Variants in ZFAND4 observed in about 807,000 individuals in gnomAD.
ZFAND4 encodes the protein zinc finger AN1-type containing 4.
ZFAND4 carries 43 observed loss-of-function variants against 64.4 expected under a neutral mutation model. That is an observed-to-expected ratio of 0.67 (90% CI 0.52 to 0.86). The LOEUF is 0.86. Among genes scored for constraint, ZFAND4 ranks in the 40% least tolerant of loss-of-function variants. The probability of loss-of-function intolerance (pLI) is 0.00; values close to 1 mark genes in which losing one functional copy is unlikely to be tolerated. For synonymous variants in ZFAND4, 296 were observed against 305.7 expected (o/e 0.97, Z 0.33); for missense variants, 929 against 859.8 (o/e 1.08, Z -1.01).
At chr10:45,633,045 T>G (rs1564575787) in intron 6 of ZFAND4, among the ~76,000 whole-genome samples, 1 of 152,178 alleles carries the variant, frequency 6.6e-6, no homozygotes. Flanking sequence ...TCACTACTTT[T>G]GTAACTAGCA....
At chr10:45,639,085 T>C (rs1364159142) in intron 6 of ZFAND4, among the ~76,000 whole-genome samples, 2 of 152,110 alleles carry the variant, frequency 1.3e-5, no homozygotes, top group African/African-American at 2.4e-5. Context: ...AATTTTATTA[T>C]ACATGAAAAG....
chr10:45,667,286 C>T (rs1268580439), intron 1 of ZFAND4, among the ~76,000 whole-genome samples: 1 of 152,050 alleles, frequency 6.6e-6, no homozygotes, highest in African/African-American at 2.4e-5. Flanking sequence ...AGAAACACAA[C>T]CGATTTTAAT....
At position 45,626,291 on chromosome 10, in the gene ZFAND4, TC is replaced by T. The variant is rs777935037; in HGVS notation, c.1531del (p.Asp511MetfsTer5). The part of the protein sequence containing the change: ...KLQPSSSQSL[D>X]VQNITDSSFS... ...AGAAGAATCAGTTATGTTTTGAACA[TC>T]CAGTGACTGAGAAGAAGAAGGCTGT... On this transcript the variant is annotated frameshift_variant, in exon 7 of 10. Transcript: ENST00000344646. LOFTEE classifies it high-confidence loss of function. 37 of 1,614,064 alleles carry T rather than the reference TC, an allele frequency of 2.3e-5. No individual in the cohort carries two copies. The highest frequency in any genetic ancestry group is 3.1e-5 in the Non-Finnish European group (36 of 1,180,034).
At chr10:45,649,343 T>C (rs2047609177) in intron 4 of ZFAND4, among the ~76,000 whole-genome samples, 1 of 152,120 alleles carries the variant, frequency 6.6e-6, no homozygotes. Context: ...GGTCACTTCA[T>C]GTACTAAAAC....
chr10:45,618,455 G>A (rs2045169974), intron 8 of ZFAND4, among the ~76,000 whole-genome samples, 195 bp from the exon 9 acceptor site: 2 of 152,312 alleles, frequency 1.3e-5, no homozygotes, highest in South Asian at 2.1e-4. Context: ...CTTTTAAGAT[G>A]TGGTAGGTTT....
At chr10:45,619,498 A>C (rs976822490) in intron 8 of ZFAND4, among the ~76,000 whole-genome samples, 2 of 152,218 alleles carry the variant, frequency 1.3e-5, no homozygotes, top group African/African-American at 4.8e-5. Context: ...ACAAAGGCTA[A>C]GAAGCAAGAG....
chr10:45,644,940 T>C (rs920915188), intron 5 of ZFAND4, among the ~76,000 whole-genome samples: 2 of 152,160 alleles, frequency 1.3e-5, no homozygotes, highest in South Asian at 4.1e-4. Flanking sequence ...AAAAAACTTA[T>C]TGGACAAATT....
chr10:45,617,951 G>T, intron 9 of ZFAND4, 189 bp downstream of exon 9: 1 of 476,940 alleles, frequency 2.1e-6, no homozygotes, highest in Non-Finnish European at 3.5e-6. Context: ...ATCTGTTTTT[G>T]TCTTTTGGAA....
intron 4 of ZFAND4, chr10:45,648,819 T>C (rs1046018256): frequency 1.7e-6 from 1 of 582,230 alleles, no homozygotes; most frequent in African/African-American, 2.5e-5. Context: ...ATAGTCTATA[T>C]TTTTTCCCTA....
chr10:45,633,854 G>A (rs1187168036), intron 6 of ZFAND4, among the ~76,000 whole-genome samples: 1 of 152,130 alleles, frequency 6.6e-6, no homozygotes, highest in Admixed American at 6.5e-5. Flanking sequence ...TATTTTACAT[G>A]CATGTCCAAA....
intron 1 of ZFAND4, among the ~76,000 whole-genome samples, chr10:45,665,963 C>T (rs1266325554): frequency 6.6e-6 from 1 of 152,190 alleles, no homozygotes; most frequent in African/African-American, 2.4e-5. Context: ...TTTATCCATC[C>T]ATCAGTTGAT....
intron 1 of ZFAND4, 140 bp from the exon 2 acceptor site, chr10:45,663,982 G>T: frequency 3.0e-6 from 1 of 337,498 alleles, no homozygotes; most frequent in South Asian, 5.5e-5. Context: ...GTCTAATCCT[G>T]AACTTTTCAC....
chr10:45,671,821 TAAAAAAA>T (rs199848014), intron 1 of ZFAND4, among the ~76,000 whole-genome samples: 1 of 141,294 alleles, frequency 7.1e-6, no homozygotes, highest in African/African-American at 2.6e-5. Context: ...CCCTAGAACT[TAAAAAAA>T]AAAAAAAAAT....
At chr10:45,651,482 A>G (rs2047754909) in intron 4 of ZFAND4, 1 of 445,068 alleles carries the variant, frequency 2.2e-6, no homozygotes, top group East Asian at 7.1e-5. Flanking sequence ...TGAATGAATG[A>G]CTGGATTTCA....
intron 7 of ZFAND4, 35 bp downstream of exon 7, chr10:45,625,916 T>C (rs1461870438): frequency 6.4e-7 from 1 of 1,573,638 alleles, no homozygotes; most frequent in African/African-American, 1.4e-5. Context: ...ACTACAAGGA[T>C]AACTACTAGA....
intron 8 of ZFAND4, among the ~76,000 whole-genome samples, chr10:45,619,565 TG>T (rs2045260497): frequency 6.6e-6 from 1 of 152,132 alleles, no homozygotes; most frequent in Non-Finnish European, 1.5e-5. Context: ...GTAGTGTCAA[TG>T]GTGCTGGGAC....
chr10:45,623,594 G>C, intron 8 of ZFAND4, among the ~76,000 whole-genome samples: 1 of 152,134 alleles, frequency 6.6e-6, no homozygotes, highest in East Asian at 1.9e-4. Flanking sequence ...GGTACTTAGA[G>C]TACCTAAAAA....
At chr10:45,651,672 TG>T in intron 4 of ZFAND4, 1 of 511,434 alleles carries the variant, frequency 2.0e-6, no homozygotes, top group South Asian at 1.5e-5. Context: ...CTAAACACAA[TG>T]GTAAAGTAGT....
At chr10:45,627,507 G>T (rs553065462) in intron 6 of ZFAND4, among the ~76,000 whole-genome samples, 1 of 150,098 alleles carries the variant, frequency 6.7e-6, no homozygotes, top group South Asian at 2.1e-4. Flanking sequence ...AAAAAAAAAA[G>T]TTAAAAGGGC....
Sources: gnomAD v4.1 joint callset for allele counts (sites outside exome capture counted in the v4.1 genomes callset) on GRCh38, gnomAD v4.1.1 for gene constraint, MANE v1.5 for transcripts, NCBI Gene and HGNC (gene_info 2026-07-23, HGNC 2026-07-21) for gene names.